The following IFTAP variants were observed in gnomAD, a reference collection of about 807,000 sequenced individuals.
The protein encoded by IFTAP is intraflagellar transport-associated protein.
In IFTAP, 19 loss-of-function variants were observed where a neutral mutation model predicts 19.4. The ratio of observed to expected loss-of-function variants is 0.98; its 90% CI spans 0.68 to 1.44. The LOEUF is 1.44. IFTAP is among the 40% of genes most tolerant of loss of function. IFTAP has a pLI of 0.00. For synonymous variants in IFTAP, 85 were observed against 83.5 expected, an observed-to-expected ratio of 1.02 and a Z score of -0.10; for missense variants, 240 against 253.6, an observed-to-expected ratio of 0.95 and a Z score of 0.36.
intron 4 of IFTAP, among the ~76,000 whole-genome samples, chr11:36,643,025 A>G (rs1853300900): frequency 6.6e-6 from 1 of 152,214 alleles, no homozygotes; most frequent in South Asian, 2.1e-4. Flanking sequence ...AGGCAGGAGA[A>G]AGAAATAAAG....
intron 5 of IFTAP, among the ~76,000 whole-genome samples, chr11:36,657,877 G>A (rs1304905133): frequency 6.6e-6 from 1 of 152,152 alleles, no homozygotes; most frequent in Non-Finnish European, 1.5e-5. Flanking sequence ...TGATAAACAG[G>A]AAATGAACGC....
intron 2 of IFTAP, among the ~76,000 whole-genome samples, chr11:36,620,067 C>A (rs1488268859): frequency 6.6e-6 from 1 of 151,928 alleles, no homozygotes; most frequent in African/African-American, 2.4e-5. Context: ...AATCTTGCAT[C>A]CCAAGGGAGC....
chr11:36,596,224 T>TG (rs1412024113), intron 1 of IFTAP, among the ~76,000 whole-genome samples: 15 of 148,138 alleles, frequency 1.0e-4, no homozygotes, highest in Middle Eastern at 3.5e-3. Flanking sequence ...TTTTTTTTGT[T>TG]TTTTTTTTTT....
intron 2 of IFTAP, among the ~76,000 whole-genome samples, chr11:36,611,952 G>T (rs1315054936): frequency 6.6e-6 from 1 of 151,884 alleles, no homozygotes; most frequent in Non-Finnish European, 1.5e-5. Flanking sequence ...GGGTAAAATT[G>T]GCAGAATTAA....
intron 1 of IFTAP, among the ~76,000 whole-genome samples, chr11:36,604,340 A>G (rs1323417456): frequency 6.6e-6 from 1 of 152,194 alleles, no homozygotes. Context: ...TGCCTTTTAC[A>G]TGTTAGAAAA....
Position 36,636,133 on chromosome 11 carries a change from C to T in IFTAP, c.358+16C>T. 2 of 1,574,564 alleles carry T rather than the reference C, an allele frequency of 1.3e-6. No individual in the cohort carries two copies. The highest frequency in any genetic ancestry group is 1.7e-6 in the Non-Finnish European group (2 of 1,144,936). The stretch of plus-strand genomic sequence containing the variant: ...ATGAGTGAGGGTATGCTTTCTATTT[C>T]CTTTCTATACTACCTGACCTCTTTC... On this transcript the variant is annotated intron_variant, in intron 4 of 5. Coordinates refer to ENST00000334307, the MANE Select transcript of IFTAP (RefSeq NM_138787.4).
intron 1 of IFTAP, among the ~76,000 whole-genome samples, chr11:36,601,899 ATGT>A (rs1475159269): frequency 6.6e-6 from 1 of 152,122 alleles, no homozygotes; most frequent in Non-Finnish European, 1.5e-5. Context: ...GTGATCCCCC[ATGT>A]TGTCCTTCCC....
At chr11:36,619,318 T>C (rs756422347) in intron 2 of IFTAP, among the ~76,000 whole-genome samples, 15 of 152,136 alleles carry the variant, frequency 9.9e-5, no homozygotes, top group East Asian at 5.8e-4. Context: ...ATTTCCGAAG[T>C]TGACGTATCA....
intron 1 of IFTAP, among the ~76,000 whole-genome samples, chr11:36,598,488 T>C (rs889840304): frequency 6.6e-6 from 1 of 152,186 alleles, no homozygotes; most frequent in African/African-American, 2.4e-5. Flanking sequence ...ATACATATAG[T>C]TTCTATGGTT....
intron 4 of IFTAP, among the ~76,000 whole-genome samples, chr11:36,644,131 A>G (rs1853359936): frequency 6.6e-6 from 1 of 152,168 alleles, no homozygotes; most frequent in South Asian, 2.1e-4. Flanking sequence ...GAATCTATAA[A>G]TAACTCAAAC....
At chr11:36,621,215 T>C (rs1433793944) in intron 2 of IFTAP, among the ~76,000 whole-genome samples, 1 of 152,054 alleles carries the variant, frequency 6.6e-6, no homozygotes, top group Admixed American at 6.6e-5. Context: ...TGTCCTTTGA[T>C]TCAATTGAAT....
intron 2 of IFTAP, among the ~76,000 whole-genome samples, chr11:36,627,775 C>T (rs978915665): frequency 1.3e-5 from 2 of 150,838 alleles, no homozygotes; most frequent in Non-Finnish European, 2.9e-5. Context: ...CTCTTGGCAC[C>T]AAACTGTTTT....
At chr11:36,603,922 CAAA>C (rs562737848) in intron 1 of IFTAP, among the ~76,000 whole-genome samples, 5,681 of 113,748 alleles carry the variant, frequency 0.05, 343 homozygotes, top group African/African-American at 0.17. Context: ...AACTCAGTCT[CAAA>C]AAAAAAAAAA....
chr11:36,604,303 CT>C (rs1246692876), intron 1 of IFTAP, among the ~76,000 whole-genome samples: 1 of 152,210 alleles, frequency 6.6e-6, no homozygotes, highest in South Asian at 2.1e-4. Context: ...ATACTATCAA[CT>C]TTTTTGGTGA....
intron 2 of IFTAP, among the ~76,000 whole-genome samples, chr11:36,621,411 C>G (rs1462972990): frequency 6.6e-6 from 1 of 151,596 alleles, no homozygotes; most frequent in Non-Finnish European, 1.5e-5. Flanking sequence ...CTTTTTTTTC[C>G]TTAATTTGGA....
At chr11:36,620,559 A>C (rs1006818517) in intron 2 of IFTAP, among the ~76,000 whole-genome samples, 1 of 152,046 alleles carries the variant, frequency 6.6e-6, no homozygotes, top group African/African-American at 2.4e-5. Context: ...ATAAACCTTC[A>C]GCTGAAGTTG....
intron 2 of IFTAP, among the ~76,000 whole-genome samples, chr11:36,620,293 G>C (rs951145054): frequency 3.3e-5 from 5 of 152,002 alleles, no homozygotes; most frequent in African/African-American, 1.2e-4. Flanking sequence ...ATTTATAGCA[G>C]AGTCCTGTGG....
chr11:36,612,995 G>T (rs74797854), intron 2 of IFTAP, among the ~76,000 whole-genome samples: 2 of 152,012 alleles, frequency 1.3e-5, no homozygotes, highest in East Asian at 3.8e-4. Flanking sequence ...TTTTTAAACC[G>T]TGGTACATGT....
chr11:36,608,861 T>C (rs973471077), intron 1 of IFTAP, among the ~76,000 whole-genome samples: 1 of 152,342 alleles, frequency 6.6e-6, no homozygotes, highest in South Asian at 2.1e-4. Flanking sequence ...CTTGAAACCA[T>C]GTCATATAGG....
Sources: gnomAD v4.1 joint callset for allele counts (sites outside exome capture counted in the v4.1 genomes callset) on GRCh38, gnomAD v4.1.1 for gene constraint, MANE v1.5 for transcripts, NCBI Gene and HGNC (gene_info 2026-07-23, HGNC 2026-07-21) for gene names.